The following MDM2 variants were observed in gnomAD, a reference collection of about 807,000 sequenced individuals.
MDM2 encodes the protein E3 ubiquitin-protein ligase Mdm2.
In MDM2, 11 loss-of-function variants were observed where a neutral mutation model predicts 64.3. The ratio of observed to expected loss-of-function variants is 0.17; its 90% CI spans 0.11 to 0.28. The LOEUF is 0.28. Ranked by LOEUF, MDM2 falls within the 10% of genes least tolerant of loss-of-function variation. The pLI, the probability that MDM2 is intolerant of heterozygous loss-of-function variation, is 1.00. For missense variants in MDM2, 388 were observed against 577.1 expected (o/e 0.67, Z 3.36); for synonymous variants, 194 against 192.9 (o/e 1.01, Z -0.05).
intron 10 of MDM2, among the ~76,000 whole-genome samples, chr12:68,838,736 G>C (rs1883503035): frequency 6.6e-6 from 1 of 152,112 alleles, no homozygotes; most frequent in Admixed American, 6.5e-5. Context: ...CCATAGACTT[G>C]CTTCAACTAA....
In MDM2 at chr12:68,824,421, T is replaced by C. The variant is rs1479551106; in HGVS notation, c.417T>C (p.Ser139=). The change falls in exon 6 of 11, where the codon AGT becomes AGC. Residue 139 remains serine (S), a synonymous_variant. Transcript: ENST00000258149. ...SENRCHLEGG[S]DQKDLVQELQ... ...ACAGGTGTCACCTTGAAGGTGGGAG[T>C]GATCAAAAGGTAATCTAAGTAAATT... The C allele has an allele frequency of 1.2e-6, 2 of 1,612,818 alleles. No individual in the cohort carries two copies. Among genetic ancestry groups the C allele is most frequent in the South Asian group, 2.2e-5 (2 of 90,948 alleles).
At position 68,839,574 on chromosome 12, in the gene MDM2, A is replaced by G. The variant is rs570992498; in HGVS notation, c.1219A>G (p.Ser407Gly). Residue 407 changes from serine to glycine, a missense_variant, in exon 11 of 11, where the codon AGT becomes GGT. Ser to Gly is a moderately conservative substitution (Grantham distance 56). Coordinates refer to ENST00000258149, the MANE Select transcript of MDM2 (RefSeq NM_002392.6). ...SEDYSQPSTSSSIIYSSQEDV... is the reference protein window; with the variant it reads ...SEDYSQPSTSGSIIYSSQEDV... ...AGACTATTCTCAGCCATCAACTTCT[A>G]GTAGCATTATTTATAGCAGCCAAGA... 1.9e-5 allele frequency: 31 copies of G among 1,614,042 alleles called. No individual in the cohort carries two copies. The South Asian group carries it at 2.7e-4, about 14-fold the overall frequency.
chr12:68,847,123 A>G (rs1192251274), downstream of MDM2: 1 of 139,602 alleles, frequency 7.2e-6, no homozygotes, highest in Non-Finnish European at 1.5e-5. Context: ...TAATATATAT[A>G]TTATATATAA....
At chr12:68,825,644 T>C (rs960371322) in intron 7 of MDM2, among the ~76,000 whole-genome samples, 16 of 149,434 alleles carry the variant, frequency 1.1e-4, no homozygotes, top group African/African-American at 4.1e-4. Flanking sequence ...ACAGTGAGAC[T>C]GTCTAAAAAA....
chr12:68,814,115 C>T (rs192477213), intron 3 of MDM2, among the ~76,000 whole-genome samples: 9 of 152,328 alleles, frequency 5.9e-5, no homozygotes, highest in Non-Finnish European at 1.0e-4. Context: ...TGCAGTGGCA[C>T]GATCTCAGCT....
At position 68,808,310 on chromosome 12, in the gene MDM2, C is replaced by G; in HGVS notation, c.-168C>G. ...CCTCTGACCGAGATCCTGCTGCTTT[C>G]GCAGCCAGGAGCACCGTCCCTCCCC... On this transcript the variant is annotated 5_prime_UTR_variant, in exon 1 of 11. Transcript: ENST00000258149. 1.2e-6 allele frequency: 1 copy of G among 820,670 alleles called. No individual in the cohort carries two copies. The highest frequency in any genetic ancestry group is 1.6e-5 in the South Asian group (1 of 64,100). The allele number at this position is 820,670 out of a possible 1,614,324, so 50.8% of individuals were successfully genotyped here.
chr12:68,836,062 T>C (rs1883285916), intron 9 of MDM2, 78 bp downstream of exon 9: 4 of 1,243,090 alleles, frequency 3.2e-6, no homozygotes. Context: ...GAGATTGAAA[T>C]AATATTATTC....
intron 2 of MDM2, among the ~76,000 whole-genome samples, chr12:68,809,617 C>CA (rs34798864): frequency 0.31 from 47,803 of 151,836 alleles, 8,805 homozygotes; most frequent in Non-Finnish European, 0.42. Flanking sequence ...TTCTAAAAGT[C>CA]AAAAAAGTTA....
intron 5 of MDM2, 199 bp from the exon 6 acceptor site, chr12:68,824,164 T>G: frequency 1.8e-6 from 1 of 549,984 alleles, no homozygotes; most frequent in South Asian, 2.7e-5. Flanking sequence ...TACTTTACTC[T>G]TCTACATTAA....
Position 68,809,191 on chromosome 12 carries a change from C to CT in MDM2, c.15-9dup, listed in dbSNP as rs555886264. 21 of 1,607,804 alleles carry CT rather than the reference C, an allele frequency of 1.3e-5. No homozygotes were observed. The highest frequency in any genetic ancestry group is 3.4e-5 in the Admixed American group (2 of 58,600). ...TCATGATTTCCAGTTTTCATCGTGT[C>CT]TTTTTTTTCCTTGTAGGCAAATGTG... On this transcript the variant is annotated splice_polypyrimidine_tract_variant and intron_variant, in intron 1 of 10. Coordinates refer to ENST00000258149, the MANE Select transcript of MDM2 (RefSeq NM_002392.6).
Position 68,839,587 on chromosome 12 carries a change from A to G in MDM2, c.1232A>G (p.Tyr411Cys), listed in dbSNP as rs367597251. The G allele has an allele frequency of 9.7e-5, 157 of 1,613,982 alleles. No individual in the cohort carries two copies. The African/African-American group carries it at 1.9e-3, about 19-fold the overall frequency. Residue 411 changes from tyrosine (Y) to cysteine (C), a missense_variant, in exon 11 of 11, where the codon TAT becomes TGT. Tyr to Cys is a radical substitution (Grantham distance 194). Coordinates refer to ENST00000258149, the MANE Select transcript of MDM2 (RefSeq NM_002392.6). ...CCATCAACTTCTAGTAGCATTATTT[A>G]TAGCAGCCAAGAAGATGTGAAAGAG... ...SQPSTSSSII[Y>C]SSQEDVKEFE...
Position 68,844,900 on chromosome 12 carries a change from T to C in MDM2, c.*5051T>C, listed in dbSNP as rs1387617696. Reference sequence around the variant, plus strand: ...GTTCTGCTTCAGCCTCCCAAGTAGCTGGGGTTAGAGCACCCTGTCACCACG... The same window carrying C: ...GTTCTGCTTCAGCCTCCCAAGTAGCCGGGGTTAGAGCACCCTGTCACCACG... On this transcript the variant is annotated 3_prime_UTR_variant, in exon 11 of 11. Coordinates refer to ENST00000258149, the MANE Select transcript of MDM2 (RefSeq NM_002392.6). 1 of 200,994 alleles carries C rather than the reference T, an allele frequency of 5.0e-6. No homozygotes were observed. Among genetic ancestry groups the C allele is most frequent in the East Asian group, 7.7e-5 (1 of 13,064 alleles). 12.5% of individuals were successfully genotyped at this position (200,994 alleles called of 1,614,324 possible).
At chr12:68,835,694 G>C in intron 8 of MDM2, 135 bp from the exon 9 acceptor site, 2 of 775,710 alleles carry the variant, frequency 2.6e-6, no homozygotes, top group African/African-American at 3.6e-5. Flanking sequence ...GGGAAGTCCC[G>C]GATCAGAGCA....
At chr12:68,838,300 G>GCTAAGGC (rs1158838299) in intron 10 of MDM2, among the ~76,000 whole-genome samples, 7 of 152,150 alleles carry the variant, frequency 4.6e-5, no homozygotes, top group Non-Finnish European at 1.0e-4. Flanking sequence ...AAGGCAAGAA[G>GCTAAGGC]ATAGGTTATG....
At chr12:68,833,284 T>TATATATATATTTATATAAATATAA (rs1565744001) in intron 8 of MDM2, among the ~76,000 whole-genome samples, 1 of 118,568 alleles carries the variant, frequency 8.4e-6, no homozygotes, top group East Asian at 2.2e-4. Flanking sequence ...TATATAAATA[T>TATATATATATTTATATAAATATAA]AAATATATAT....
At chr12:68,828,486 A>G in intron 7 of MDM2, 1 of 278,838 alleles carries the variant, frequency 3.6e-6, no homozygotes, top group East Asian at 7.2e-5. Flanking sequence ...AGGTGGGAGG[A>G]TCACTTGAGC....
chr12:68,830,027 A>G (rs1413164449), intron 8 of MDM2, among the ~76,000 whole-genome samples: 1 of 152,210 alleles, frequency 6.6e-6, no homozygotes, highest in East Asian at 1.9e-4. Flanking sequence ...ATGTGGCCCA[A>G]CACAAATTCA....
intron 7 of MDM2, among the ~76,000 whole-genome samples, chr12:68,826,403 C>T (rs763598977): frequency 1.3e-5 from 2 of 151,976 alleles, no homozygotes; most frequent in Non-Finnish European, 2.9e-5. Flanking sequence ...AATCCCAGCA[C>T]TTTGGAAGGC....
At chr12:68,846,698 C>T (rs540683746), downstream of MDM2, 6 of 152,212 alleles carry the variant, frequency 3.9e-5, no homozygotes, top group African/African-American at 1.4e-4. Flanking sequence ...TTATTTTAGA[C>T]TTTTAGAACA....
Sources: gnomAD v4.1 joint callset for allele counts (sites outside exome capture counted in the v4.1 genomes callset) on GRCh38, gnomAD v4.1.1 for gene constraint, MANE v1.5 for transcripts, NCBI Gene and HGNC (gene_info 2026-07-23, HGNC 2026-07-21) for gene names.